The following LDB2 variants were observed in gnomAD, a reference collection of about 807,000 sequenced individuals.
LDB2 encodes the protein LIM domain-binding protein 2.
Under a neutral mutation model 44.3 loss-of-function variants are expected in LDB2, and 12 were observed. The ratio of observed to expected loss-of-function variants is 0.27; its 90% confidence interval spans 0.17 to 0.44. The LOEUF is 0.44. Ranked by LOEUF, LDB2 falls within the 20% of genes least tolerant of loss-of-function variation. The pLI, the probability that LDB2 is intolerant of heterozygous loss-of-function variation, is 1.00. For synonymous variants in LDB2, 164 were observed against 174.8 expected, an observed-to-expected ratio of 0.94 and a Z score of 0.49; for missense variants, 344 against 473.5, an observed-to-expected ratio of 0.73 and a Z score of 2.54.
intron 1 of LDB2, among the ~76,000 whole-genome samples, chr4:16,855,767 T>C (rs1029915739): frequency 2.6e-5 from 4 of 152,144 alleles, no homozygotes; most frequent in African/African-American, 9.7e-5. Flanking sequence ...TTTTTTATTG[T>C]TGTTGCATAA....
chr4:16,557,511 G>C (rs1740165498), intron 5 of LDB2, among the ~76,000 whole-genome samples: 1 of 152,248 alleles, frequency 6.6e-6, no homozygotes, highest in South Asian at 2.1e-4. Context: ...GGCTGGGGGA[G>C]GGGCGCCTGC....
chr4:16,816,658 G>A (rs546547000), intron 1 of LDB2, among the ~76,000 whole-genome samples: 3 of 151,858 alleles, frequency 2.0e-5, no homozygotes, highest in East Asian at 1.9e-4. Flanking sequence ...CGATCCGCCC[G>A]CCTTGGCTTC....
intron 2 of LDB2, chr4:16,741,444 A>G (rs996417582): frequency 4.6e-5 from 7 of 152,250 alleles, no homozygotes; most frequent in African/African-American, 1.7e-4. Context: ...AACATAACAG[A>G]TATGTGTGCC....
intron 1 of LDB2, among the ~76,000 whole-genome samples, chr4:16,805,264 GGATGAAA>G (rs1368960380): frequency 1.3e-5 from 2 of 152,136 alleles, no homozygotes; most frequent in Non-Finnish European, 2.9e-5. Context: ...AATTTGGAAG[GGATGAAA>G]GCATTCGGTC....
chr4:16,731,688 G>A (rs1424787695), intron 2 of LDB2, among the ~76,000 whole-genome samples: 5 of 152,118 alleles, frequency 3.3e-5, no homozygotes, highest in South Asian at 2.1e-4. Flanking sequence ...CCTAGTATAC[G>A]AAATTTTATT....
chr4:16,618,306 G>T (rs951177921), intron 2 of LDB2, among the ~76,000 whole-genome samples: 1 of 152,176 alleles, frequency 6.6e-6, no homozygotes, highest in Admixed American at 6.5e-5. Flanking sequence ...CCCCAGATCA[G>T]ATTCAGAGAC....
chr4:16,667,724 G>T (rs1299796505), intron 2 of LDB2, among the ~76,000 whole-genome samples: 1 of 152,210 alleles, frequency 6.6e-6, no homozygotes, highest in Non-Finnish European at 1.5e-5. Flanking sequence ...GCATGCTCAG[G>T]CCTGGAGAAA....
intron 1 of LDB2, among the ~76,000 whole-genome samples, chr4:16,803,660 A>G (rs928143068): frequency 1.3e-5 from 2 of 151,824 alleles, no homozygotes; most frequent in African/African-American, 4.9e-5. Flanking sequence ...AAATGGAATA[A>G]GAATTGGGCT....
chr4:16,878,715 A>G (rs572775847), intron 1 of LDB2, among the ~76,000 whole-genome samples: 1 of 152,354 alleles, frequency 6.6e-6, no homozygotes, highest in Non-Finnish European at 1.5e-5. Flanking sequence ...TGCTGTCTGA[A>G]CTATGGACAA....
intron 1 of LDB2, among the ~76,000 whole-genome samples, chr4:16,812,582 TTATATATATATATATATA>T (rs6148319): frequency 8.7e-5 from 10 of 115,556 alleles, no homozygotes; most frequent in East Asian, 7.0e-4. Context: ...ATCAATGAAA[TTATATATATATATATATA>T]TATATATATA....
intron 1 of LDB2, among the ~76,000 whole-genome samples, chr4:16,765,966 C>A (rs926544310): frequency 6.6e-6 from 1 of 152,032 alleles, no homozygotes; most frequent in Non-Finnish European, 1.5e-5. Flanking sequence ...GACTGGCTGT[C>A]ATTAATCAAG....
At chr4:16,862,961 C>T (rs1713219565) in intron 1 of LDB2, among the ~76,000 whole-genome samples, 1 of 152,110 alleles carries the variant, frequency 6.6e-6, no homozygotes, top group Non-Finnish European at 1.5e-5. Context: ...TCCAGCGAGT[C>T]AGAGTCAGCT....
intron 2 of LDB2, among the ~76,000 whole-genome samples, chr4:16,752,880 TG>T (rs1303063253): frequency 1.4e-5 from 2 of 145,020 alleles, no homozygotes; most frequent in Non-Finnish European, 3.0e-5. Context: ...TCTCAATGGA[TG>T]GAAAAAAAAA....
chr4:16,831,502 C>T (rs1279623830), intron 1 of LDB2, among the ~76,000 whole-genome samples: 2 of 152,110 alleles, frequency 1.3e-5, no homozygotes, highest in African/African-American at 2.4e-5. Context: ...TTGCAACCAT[C>T]CTGGGACAGA....
intron 2 of LDB2, among the ~76,000 whole-genome samples, chr4:16,638,776 G>A (rs779892989): frequency 3.3e-5 from 5 of 152,094 alleles, no homozygotes; most frequent in Non-Finnish European, 7.4e-5. Context: ...TCCTGCTTTC[G>A]AGGAGTTTAT....
intron 1 of LDB2, among the ~76,000 whole-genome samples, chr4:16,799,185 C>T (rs1455891227): frequency 6.6e-6 from 1 of 152,130 alleles, no homozygotes; most frequent in Admixed American, 6.5e-5. Flanking sequence ...CAGCCATCTA[C>T]GCAGTTAAGA....
At chr4:16,714,532 C>T (rs186925855) in intron 2 of LDB2, among the ~76,000 whole-genome samples, 1 of 152,244 alleles carries the variant, frequency 6.6e-6, no homozygotes, top group East Asian at 1.9e-4. Context: ...CAGGTGGCTT[C>T]CAAGGTCTCT....
intron 1 of LDB2, among the ~76,000 whole-genome samples, chr4:16,854,711 A>G (rs968940376): frequency 2.9e-5 from 4 of 137,176 alleles, no homozygotes; most frequent in African/African-American, 1.1e-4. Flanking sequence ...TATAATATAT[A>G]TGTGTATATT....
intron 2 of LDB2, among the ~76,000 whole-genome samples, chr4:16,745,146 A>G (rs1331628284): frequency 6.6e-6 from 1 of 152,126 alleles, no homozygotes; most frequent in Non-Finnish European, 1.5e-5. Context: ...CTTTAAAGTG[A>G]GGGGTTATGT....
Sources: allele counts gnomAD v4.1 joint callset (sites outside exome capture counted in the v4.1 genomes callset), GRCh38; gene constraint gnomAD v4.1.1; transcripts MANE v1.5; gene names NCBI Gene and HGNC (gene_info 2026-07-23, HGNC 2026-07-21).